TTLL1: variants seen among roughly 807,000 people sequenced by gnomAD.
The protein encoded by TTLL1 is TTL family tubulin polyglutamylase complex subunit L1.
TTLL1 carries 33 observed loss-of-function variants against 47.8 expected under a neutral mutation model. The observed-to-expected ratio is 0.69, with a 90% CI of 0.52 to 0.92. TTLL1 has a LOEUF of 0.92. Ranked by LOEUF, TTLL1 falls within the 40% of genes least tolerant of loss-of-function variation. The probability of loss-of-function intolerance (pLI) is 0.00; values close to 1 mark genes in which losing one functional copy is unlikely to be tolerated. For missense variants in TTLL1, 488 were observed against 547.5 expected, an observed-to-expected ratio of 0.89 and a Z score of 1.08; for synonymous variants, 225 against 214.1, an observed-to-expected ratio of 1.05 and a Z score of -0.45.
Position 43,079,952 on chromosome 22 carries a change from C to T in TTLL1, c.-55G>A, listed in dbSNP as rs1299223226. The T allele has an allele frequency of 1.3e-5, 2 of 151,656 alleles. No individual in the cohort carries two copies. The highest frequency in any genetic ancestry group is 2.4e-5 in the African/African-American group (1 of 40,820). 9.4% of individuals were successfully genotyped at this position (151,656 alleles called of 1,614,324 possible). A position where few individuals can be genotyped will look rare whatever the true frequency, so the allele number is the denominator to read the frequency against. On this transcript the variant is annotated 5_prime_UTR_variant, in exon 2 of 11. Coordinates refer to ENST00000266254, the MANE Select transcript of TTLL1 (RefSeq NM_012263.5). ...GCAACGCCCACGCTCACCTCGGTCT[C>T]GCTGACGTCACTGACGCCGGCCCCT...
chr22:43,068,801 G>A (rs1366081877), intron 4 of TTLL1, among the ~76,000 whole-genome samples: 1 of 152,100 alleles, frequency 6.6e-6, no homozygotes, highest in East Asian at 1.9e-4. Flanking sequence ...TTACAAACCT[G>A]TATTTTTCAA....
intron 8 of TTLL1, among the ~76,000 whole-genome samples, chr22:43,058,582 G>T (rs529154995): frequency 1.3e-5 from 2 of 152,368 alleles, no homozygotes; most frequent in East Asian, 3.9e-4. Context: ...AGGCTAGCCC[G>T]GCTCACCCCG....
intron 1 of TTLL1, among the ~76,000 whole-genome samples, chr22:43,084,148 A>C (rs1369980468): frequency 6.6e-6 from 1 of 151,906 alleles, no homozygotes; most frequent in Non-Finnish European, 1.5e-5. Flanking sequence ...AAAAACTCTA[A>C]ACATATTTTT....
At chr22:43,057,581 T>C (rs773982796) in intron 8 of TTLL1, among the ~76,000 whole-genome samples, 6 of 152,056 alleles carry the variant, frequency 3.9e-5, no homozygotes, top group Non-Finnish European at 7.4e-5. Flanking sequence ...ATGGGAAGTA[T>C]CCCACCACAC....
chr22:43,074,427 C>CAAAAAAAA (rs61701643), intron 3 of TTLL1, among the ~76,000 whole-genome samples: 12 of 85,444 alleles, frequency 1.4e-4, no homozygotes, highest in African/African-American at 1.9e-4. Flanking sequence ...AATTTCGTCT[C>CAAAAAAAA]AAAAAAAAAA....
intron 10 of TTLL1, chr22:43,040,162 A>G (rs1304214115): frequency 7.2e-6 from 3 of 414,956 alleles, no homozygotes; most frequent in Non-Finnish European, 1.3e-5. Context: ...TATTGTGGAC[A>G]GTGGTCTCCC....
chr22:43,047,295 A>G (rs1368412618), intron 9 of TTLL1, among the ~76,000 whole-genome samples: 1 of 152,146 alleles, frequency 6.6e-6, no homozygotes, highest in Admixed American at 6.5e-5. Context: ...TTTTGCTAAG[A>G]GAGTAATATC....
At chr22:43,051,641 T>G (rs1025642281) in intron 9 of TTLL1, among the ~76,000 whole-genome samples, 160 bp downstream of exon 9, 12 of 152,014 alleles carry the variant, frequency 7.9e-5, no homozygotes, top group Non-Finnish European at 1.8e-4. Context: ...AATGTGCTTA[T>G]ACCTTAACCA....
At chr22:43,047,973 G>A (rs190978369) in intron 9 of TTLL1, among the ~76,000 whole-genome samples, 30 of 152,214 alleles carry the variant, frequency 2.0e-4, no homozygotes, top group African/African-American at 6.0e-4. Context: ...AATGACCACT[G>A]TAGTATACCA....
At chr22:43,062,175 A>T (rs1927426879) in intron 7 of TTLL1, among the ~76,000 whole-genome samples, 1 of 151,588 alleles carries the variant, frequency 6.6e-6, no homozygotes, top group South Asian at 2.1e-4. Flanking sequence ...ATAAACCCAT[A>T]GCAAGTTGAA....
intron 7 of TTLL1, among the ~76,000 whole-genome samples, chr22:43,062,401 G>C (rs947832106): frequency 7.3e-5 from 11 of 151,284 alleles, no homozygotes; most frequent in Admixed American, 2.0e-4. Context: ...TGAGGCAGGA[G>C]AATCGCTTGA....
At chr22:43,060,970 A>T (rs28668439) in intron 7 of TTLL1, among the ~76,000 whole-genome samples, 14 of 152,176 alleles carry the variant, frequency 9.2e-5, no homozygotes, top group African/African-American at 3.4e-4. Flanking sequence ...CTGGGGTGAG[A>T]GGATCACCTG....
chr22:43,059,385 G>A lies in TTLL1; in HGVS notation c.890C>T (p.Ala297Val), dbSNP rs1927246791. Reference sequence around the variant, plus strand: ...CTCCCCCGCCCGCACCAAACTCACCGCCACAGCCTTCAGGGACTGCACGAT... The same window carrying A: ...CTCCCCCGCCCGCACCAAACTCACCACCACAGCCTTCAGGGACTGCACGAT... ...WIIVQSLKAVAPVMNNDKHCF... is the reference protein window; with the variant it reads ...WIIVQSLKAVVPVMNNDKHCF... The change falls in exon 8 of 11, where the codon GCG becomes GTG. Residue 297 changes from alanine to valine, a missense_variant and splice_region_variant. Coordinates refer to ENST00000266254, the MANE Select transcript of TTLL1 (RefSeq NM_012263.5). 5.6e-6 allele frequency: 9 copies of A among 1,609,738 alleles called. No individual in the cohort carries two copies. Among genetic ancestry groups the A allele is most frequent in the East Asian group, 2.3e-5 (1 of 44,356 alleles).
At chr22:43,084,744 G>A (rs1337277239) in intron 1 of TTLL1, among the ~76,000 whole-genome samples, 1 of 151,382 alleles carries the variant, frequency 6.6e-6, no homozygotes, top group Non-Finnish European at 1.5e-5. Flanking sequence ...CTTGTTATCT[G>A]CCCGCCTCAG....
chr22:43,070,563 G>A (rs764936931), intron 3 of TTLL1, among the ~76,000 whole-genome samples: 2 of 152,100 alleles, frequency 1.3e-5, no homozygotes, highest in African/African-American at 2.4e-5. Context: ...CCTAGAGAGG[G>A]TGCCCGGAGC....
chr22:43,083,687 C>T (rs1029164811), intron 1 of TTLL1, among the ~76,000 whole-genome samples: 10 of 151,700 alleles, frequency 6.6e-5, no homozygotes, highest in African/African-American at 2.4e-4. Flanking sequence ...AAGATCGCAC[C>T]ATTGCACTGC....
At chr22:43,042,775 G>A (rs571316123) in intron 10 of TTLL1, among the ~76,000 whole-genome samples, 1 of 152,246 alleles carries the variant, frequency 6.6e-6, no homozygotes, top group East Asian at 1.9e-4. Flanking sequence ...GAATGCCTAA[G>A]GGAAGCAAGC....
chr22:43,084,057 C>T (rs1428896265), intron 1 of TTLL1, among the ~76,000 whole-genome samples: 7 of 152,162 alleles, frequency 4.6e-5, no homozygotes, highest in Non-Finnish European at 1.0e-4. Flanking sequence ...CTAACAATAT[C>T]ATGGCATTAA....
chr22:43,060,866 ACT>A (rs1405863074), intron 7 of TTLL1, among the ~76,000 whole-genome samples: 2 of 152,160 alleles, frequency 1.3e-5, no homozygotes, highest in African/African-American at 4.8e-5. Flanking sequence ...AGCAAACACC[ACT>A]GACTCAAAGC....
Sources: allele counts gnomAD v4.1 joint callset (sites outside exome capture counted in the v4.1 genomes callset), GRCh38; gene constraint gnomAD v4.1.1; transcripts MANE v1.5; gene names NCBI Gene and HGNC (gene_info 2026-07-23, HGNC 2026-07-21).